Variants in RASA3 observed in about 807,000 individuals in gnomAD.
RASA3 encodes RAS p21 protein activator 3.
A neutral mutation model predicts 110.0 loss-of-function variants in RASA3; 73 were observed. The ratio of observed to expected loss-of-function variants is 0.66; its 90% CI spans 0.55 to 0.81. The LOEUF is 0.81. RASA3 is among the 30% of genes least tolerant of loss of function. The pLI is 0.00. For synonymous variants in RASA3, 500 were observed against 451.4 expected, an observed-to-expected ratio of 1.11 and a Z score of -1.37; for missense variants, 976 against 1,113.2, an observed-to-expected ratio of 0.88 and a Z score of 1.75.
In RASA3 at chr13:114,110,762, C is replaced by T. The variant is rs115391108; in HGVS notation, c.55+21673G>A. 6.1e-3 allele frequency among the ~76,000 whole-genome samples: 924 copies of T among 152,362 alleles called. 6 individuals carry two copies. Among genetic ancestry groups the T allele is most frequent in the African/African-American group, 0.021 (878 of 41,580 alleles). On this transcript the variant is annotated intron_variant, in intron 1 of 23. Coordinates refer to ENST00000334062, the MANE Select transcript of RASA3 (RefSeq NM_007368.4). Reference sequence around the variant, plus strand: ...CTCAGCCTCCCGCGTCCCCACAGCCCGGACCGGAGCCTCAGAGCACCAGGA... The same window carrying T: ...CTCAGCCTCCCGCGTCCCCACAGCCTGGACCGGAGCCTCAGAGCACCAGGA...
At chr13:114,091,866 G>A (rs568128939) in intron 1 of RASA3, among the ~76,000 whole-genome samples, 10 of 152,100 alleles carry the variant, frequency 6.6e-5, no homozygotes, top group Middle Eastern at 3.4e-3. Flanking sequence ...TGATTTCTAC[G>A]TCTGTTCAGG....
intron 1 of RASA3, among the ~76,000 whole-genome samples, chr13:114,098,038 C>A: frequency 6.6e-6 from 1 of 152,190 alleles, no homozygotes; most frequent in East Asian, 1.9e-4. Flanking sequence ...CTCAGCTGAG[C>A]ACGCCGAGGG....
chr13:113,979,417 T>G lies in RASA3; in HGVS notation c.2435A>C (p.His812Pro). The G allele has an allele frequency of 6.3e-7, 1 of 1,598,892 alleles. No individual in the cohort carries two copies. The highest frequency in any genetic ancestry group is 8.6e-7 in the Non-Finnish European group (1 of 1,166,460). Residue 812 changes from histidine (H) to proline (P), a missense_variant, in exon 24 of 24, where the codon CAC (histidine) becomes CCC (proline). Around this residue, in one of 4 missense-constraint regions of RASA3, gnomAD observed 132 missense variants for 152.8 expected, o/e 0.86. Coordinates refer to ENST00000334062, the MANE Select transcript of RASA3 (RefSeq NM_007368.4). Reference protein sequence around the residue: ...FKKTKYGSQEHPIGDKSFQNY... With the variant: ...FKKTKYGSQEPPIGDKSFQNY... Reference sequence around the variant, plus strand: ...CTGGAAGCTCTTGTCTCCGATGGGGTGCTCCCTGAAAAGGGGGATGGGAGA... The same window carrying G: ...CTGGAAGCTCTTGTCTCCGATGGGGGGCTCCCTGAAAAGGGGGATGGGAGA...
chr13:114,102,513 G>T (rs1414469409), intron 1 of RASA3, among the ~76,000 whole-genome samples: 6 of 152,196 alleles, frequency 3.9e-5, no homozygotes, highest in African/African-American at 1.4e-4. Context: ...GGCAGGAGGT[G>T]CGAGGGGCCC....
rs2053142876 is a variant in RASA3, at chr13:113,992,520, A to C, written c.2210T>G (p.Phe737Cys). ...DRETERIYSL[F>C]NLYMSKLEKM... Reference sequence around the variant, plus strand: ...CTCCAGCTTGCTCATGTACAAGTTGAAGAGGGAGTAGATACGCTCCGTCTC... The same window carrying C: ...CTCCAGCTTGCTCATGTACAAGTTGCAGAGGGAGTAGATACGCTCCGTCTC... The change falls in exon 22 of 24, where the codon TTC (phenylalanine) becomes TGC (cysteine). Residue 737 changes from phenylalanine (F) to cysteine (C), a missense_variant. Phe to Cys is a radical substitution (Grantham distance 205). Coordinates refer to ENST00000334062, the MANE Select transcript of RASA3 (RefSeq NM_007368.4). 1 of 1,613,532 alleles carries C rather than the reference A, an allele frequency of 6.2e-7. No individual in the cohort carries two copies. The highest frequency in any genetic ancestry group is 8.5e-7 in the Non-Finnish European group (1 of 1,179,912).
In RASA3 at chr13:114,132,469, C is replaced by T; in HGVS notation, c.21G>A (p.Gly7=). MAVEDE[G]LRVFQSVKIK... ...TCTTCACGCTCTGGAAGACCCGGAG[C>T]CCCTCGTCCTCCACCGCCATGCTGC... is the stretch of plus-strand genomic sequence containing the variant. The change falls in exon 1 of 24, where the codon GGG becomes GGA. Residue 7 remains glycine, a synonymous_variant. Transcript: ENST00000334062. 1 of 1,511,980 alleles carries T rather than the reference C, an allele frequency of 6.6e-7. No individual in the cohort carries two copies. The highest frequency in any genetic ancestry group is 8.8e-7 in the Non-Finnish European group (1 of 1,136,376). The allele number at this position is 1,511,980 out of a possible 1,614,324, so 93.7% of individuals were successfully genotyped here.
At chr13:114,122,764 C>T (rs935433731) in intron 1 of RASA3, among the ~76,000 whole-genome samples, 1 of 152,178 alleles carries the variant, frequency 6.6e-6, no homozygotes, top group African/African-American at 2.4e-5. Flanking sequence ...GAGTGAGGGA[C>T]GCAGCTAGGA....
At chr13:114,103,560 C>T (rs1350172245) in intron 1 of RASA3, among the ~76,000 whole-genome samples, 2 of 119,490 alleles carry the variant, frequency 1.7e-5, no homozygotes, top group Non-Finnish European at 3.6e-5. Flanking sequence ...AGACACCCAC[C>T]CCCGATGCGT....
intron 1 of RASA3, among the ~76,000 whole-genome samples, chr13:114,113,263 G>A (rs948210439): frequency 3.3e-5 from 5 of 152,224 alleles, no homozygotes; most frequent in Admixed American, 3.3e-4. Flanking sequence ...CATGGAGACT[G>A]GGGGCCTCAG....
At chr13:114,012,249 G>A (rs1218522192) in intron 15 of RASA3, among the ~76,000 whole-genome samples, 1 of 151,924 alleles carries the variant, frequency 6.6e-6, no homozygotes, top group African/African-American at 2.4e-5. Context: ...AACGTACACA[G>A]CTTAAATAGG....
Position 114,018,939 on chromosome 13 carries a change from G to T in RASA3, c.786-20C>A, listed in dbSNP as rs754969604. On this transcript the variant is annotated intron_variant, in intron 9 of 23. Transcript: ENST00000334062. Reference sequence around the variant, plus strand: ...AAGTACCTGGGTGGGAGGGACACATGGAGGGGAGGCATGAGGCTGCATCTG... The same window carrying T: ...AAGTACCTGGGTGGGAGGGACACATTGAGGGGAGGCATGAGGCTGCATCTG... 1.9e-6 allele frequency: 3 copies of T among 1,612,922 alleles called. No individual in the cohort carries two copies. The highest frequency in any genetic ancestry group is 1.7e-5 in the Admixed American group (1 of 60,002).
At chr13:114,003,677 C>A (rs2053453672) in intron 18 of RASA3, among the ~76,000 whole-genome samples, 1 of 152,158 alleles carries the variant, frequency 6.6e-6, no homozygotes, top group Admixed American at 6.5e-5. Context: ...GTACCTTAAC[C>A]AAGGCAATTG....
intron 14 of RASA3, 120 bp from the exon 15 acceptor site, chr13:114,013,368 C>T (rs1402368159): frequency 2.2e-6 from 1 of 455,280 alleles, no homozygotes; most frequent in Non-Finnish European, 3.8e-6. Context: ...GCTCTATCTC[C>T]ACCTGTGTCT....
intron 1 of RASA3, among the ~76,000 whole-genome samples, chr13:114,100,127 C>A (rs1000108898): frequency 6.6e-6 from 1 of 151,146 alleles, no homozygotes; most frequent in East Asian, 2.0e-4. Flanking sequence ...CACAGCAAGG[C>A]TTTCCAAACT....
At chr13:114,066,658 C>T (rs567157192) in intron 2 of RASA3, among the ~76,000 whole-genome samples, 1 of 152,234 alleles carries the variant, frequency 6.6e-6, no homozygotes, top group African/African-American at 2.4e-5. Flanking sequence ...ACCTCATGCT[C>T]TCCGCCGGCT....
In RASA3 at chr13:114,027,899, C is replaced by T. The variant is rs751987723; in HGVS notation, c.478G>A (p.Val160Met). Reference sequence around the variant, plus strand: ...GCGTAGGGGTCACATTGCCCATTCACGATGGGGAGGCCCTGGCACTCGACG... The same window carrying T: ...GCGTAGGGGTCACATTGCCCATTCATGATGGGGAGGCCCTGGCACTCGACG... ...RIVECQGLPI[V>M]NGQCDPYATV... The change falls in exon 6 of 24, where the codon GTG becomes ATG. Residue 160 changes from valine (V) to methionine (M), a missense_variant. Physicochemically the swap from Val to Met is conservative, Grantham distance 21. Coordinates refer to ENST00000334062, the MANE Select transcript of RASA3 (RefSeq NM_007368.4). 15 of 1,613,724 alleles carry T rather than the reference C, an allele frequency of 9.3e-6. No homozygotes were observed. Among genetic ancestry groups the T allele is most frequent in the East Asian group, 2.2e-5 (1 of 44,882 alleles).
intron 17 of RASA3, 57 bp from the exon 18 acceptor site, chr13:114,007,663 C>T (rs2053546852): frequency 1.4e-6 from 2 of 1,404,632 alleles, no homozygotes; most frequent in African/African-American, 1.4e-5. Context: ...ACGTGCACGG[C>T]TCTCTGTATA....
intron 17 of RASA3, 36 bp from the exon 18 acceptor site, chr13:114,007,642 C>A (rs1366011509): frequency 6.5e-7 from 1 of 1,547,380 alleles, no homozygotes; most frequent in Non-Finnish European, 8.9e-7. Context: ...CGGGAGGAAG[C>A]CACACATCTG....
chr13:114,015,261 G>A lies in RASA3; in HGVS notation c.1353C>T (p.Val451=), dbSNP rs1253779305. The A allele has an allele frequency of 3.7e-6, 6 of 1,613,246 alleles. No individual in the cohort carries two copies. The highest frequency in any genetic ancestry group is 5.1e-6 in the Non-Finnish European group (6 of 1,179,998). ...ITESGVSCPT[V]MCDIFFSLRE... Reference sequence around the variant, plus strand: ...GGAGGGAGAAGAAGATGTCACACATGACGGTCGGGCAGCTCACCCCAGACT... The same window carrying A: ...GGAGGGAGAAGAAGATGTCACACATAACGGTCGGGCAGCTCACCCCAGACT... The change falls in exon 14 of 24, where the codon GTC becomes GTT. Residue 451 remains valine (V), a synonymous_variant. Coordinates refer to ENST00000334062, the MANE Select transcript of RASA3 (RefSeq NM_007368.4).
Sources: allele counts gnomAD v4.1 joint callset (sites outside exome capture counted in the v4.1 genomes callset), GRCh38; gene constraint gnomAD v4.1.1; regional missense constraint gnomAD v4.1.1; transcripts MANE v1.5; gene names NCBI Gene and HGNC (gene_info 2026-07-23, HGNC 2026-07-21).